SPOCK2: variants seen among roughly 807,000 people sequenced by gnomAD.
SPOCK2 encodes the protein SPARC (osteonectin), cwcv and kazal like domains proteoglycan 2.
Under a neutral mutation model 60.1 loss-of-function variants are expected in SPOCK2, and 39 were observed. That is an observed-to-expected ratio of 0.65 (90% CI 0.50 to 0.85). The LOEUF is 0.85. Among genes scored for constraint, SPOCK2 ranks in the 40% least tolerant of loss-of-function variants. SPOCK2 has a pLI of 0.00. For missense variants in SPOCK2, 523 were observed against 567.4 expected, an observed-to-expected ratio of 0.92 and a Z score of 0.80; for synonymous variants, 217 against 231.5, an observed-to-expected ratio of 0.94 and a Z score of 0.57.
intron 2 of SPOCK2, 73 bp downstream of exon 2, chr10:72,072,829 G>A (rs1405185409): frequency 1.3e-6 from 2 of 1,548,420 alleles, no homozygotes; most frequent in African/African-American, 2.7e-5. Flanking sequence ...GAATGAGGGT[G>A]TGGAGGGACA....
intron 1 of SPOCK2, among the ~76,000 whole-genome samples, chr10:72,080,976 G>A (rs1425768654): frequency 1.3e-5 from 2 of 152,146 alleles, no homozygotes; most frequent in Non-Finnish European, 2.9e-5. Context: ...AACAGCGGGA[G>A]GTGTGAGGGG....
At chr10:72,072,719 T>G in intron 2 of SPOCK2, 171 bp from the exon 3 acceptor site, 1 of 1,328,264 alleles carries the variant, frequency 7.5e-7, no homozygotes. Flanking sequence ...CCCCCACACC[T>G]CTATCCCTAT....
chr10:72,064,897 A>AT (rs1364965104), intron 8 of SPOCK2, among the ~76,000 whole-genome samples: 2 of 139,406 alleles, frequency 1.4e-5, no homozygotes, highest in African/African-American at 5.2e-5. Flanking sequence ...CGCCTGGCTA[A>AT]TTTTTTGTAT....
At chr10:72,084,373 G>A (rs1840828147) in intron 1 of SPOCK2, among the ~76,000 whole-genome samples, 1 of 152,234 alleles carries the variant, frequency 6.6e-6, no homozygotes, top group Non-Finnish European at 1.5e-5. Flanking sequence ...GCCAGTCAGC[G>A]GCAGAGCCCG....
intron 1 of SPOCK2, among the ~76,000 whole-genome samples, chr10:72,081,383 C>T (rs557784222): frequency 3.3e-5 from 5 of 152,224 alleles, no homozygotes; most frequent in African/African-American, 1.2e-4. Context: ...AGGTAAGACA[C>T]CAGCTGGGCC....
rs1263025255 is a variant in SPOCK2 at position 72,072,685 on chromosome 10, C to T, written c.199-137G>A. On this transcript the variant is annotated intron_variant, in intron 2 of 10. Transcript: ENST00000373109. ...CGTCATCCTGGTGGCTGACCCCTGT[C>T]CACCCAGGCCCTGCCAGCTGCCTCC... 6.5e-6 allele frequency: 9 copies of T among 1,376,000 alleles called. 1 individual carries two copies. Among genetic ancestry groups the T allele is most frequent in the African/African-American group, 4.3e-5 (3 of 70,448 alleles). The allele number at this position is 1,376,000 out of a possible 1,614,324, so 85.2% of individuals were successfully genotyped here. A position where few individuals can be genotyped will look rare whatever the true frequency, so the allele number is the denominator to read the frequency against.
In SPOCK2 at chr10:72,061,988, C is replaced by T. The variant is rs1306970571; in HGVS notation, c.*772G>A. The T allele has an allele frequency of 1.3e-5, 2 of 153,440 alleles. No homozygotes were observed. Among genetic ancestry groups the T allele is most frequent in the African/African-American group, 4.8e-5 (2 of 41,476 alleles). 9.5% of individuals were successfully genotyped at this position (153,440 alleles called of 1,614,324 possible). A position where few individuals can be genotyped will look rare whatever the true frequency, so the allele number is the denominator to read the frequency against. ...AGACCTCAGACAGCTTGGCGAGGCA[C>T]CCTGTCCCTGGCCTCTCAGCTGCTG... On this transcript the variant is annotated 3_prime_UTR_variant, in exon 11 of 11. Transcript: ENST00000373109.
chr10:72,086,339 T>A, intron 1 of SPOCK2: 1 of 995,988 alleles, frequency 1.0e-6, no homozygotes. Flanking sequence ...GTAAGTCATT[T>A]ATTCTCACCC....
intron 5 of SPOCK2, among the ~76,000 whole-genome samples, chr10:72,069,049 G>A (rs1335304542): frequency 6.6e-6 from 1 of 152,188 alleles, no homozygotes; most frequent in African/African-American, 2.4e-5. Flanking sequence ...CAGACTTCCT[G>A]CTGACCTCCA....
rs1840876390 is a variant in SPOCK2, at chr10:72,087,475, T to A, written c.189+665A>T. On this transcript the variant is annotated intron_variant, in intron 1 of 10. Transcript: ENST00000373109. This position sits in a 1 kb window ranked among gnomAD's most constrained non-coding sequence, Gnocchi z 4.7. ...GCTGGATTCCCCCCTGAAATGTTGG[T>A]CCGGGAAAACCAGCCTGGGTCCTCG... Among the ~76,000 whole-genome samples the A allele has an allele frequency of 6.6e-6, 1 of 152,090 alleles. No homozygotes were observed.
Position 72,061,572 on chromosome 10 carries a change from G to C in SPOCK2, c.*1188C>G, listed in dbSNP as rs1444935964. On this transcript the variant is annotated 3_prime_UTR_variant, in exon 11 of 11. Coordinates refer to ENST00000373109, the MANE Select transcript of SPOCK2 (RefSeq NM_001244950.2). Reference sequence around the variant, plus strand: ...ACAGCTCTCTCTGTTGGTCTGGGCAGGACAGGAGTGTTAAGGGTCAGGGAG... The same window carrying C: ...ACAGCTCTCTCTGTTGGTCTGGGCACGACAGGAGTGTTAAGGGTCAGGGAG... 6.6e-6 allele frequency: 1 copy of C among 152,516 alleles called. No homozygotes were observed. 9.4% of individuals were successfully genotyped at this position (152,516 alleles called of 1,614,324 possible).
At chr10:72,065,804 G>A (rs1190356812) in intron 8 of SPOCK2, among the ~76,000 whole-genome samples, 1 of 152,234 alleles carries the variant, frequency 6.6e-6, no homozygotes, top group Non-Finnish European at 1.5e-5. Context: ...CATTTGCAGA[G>A]GGATTTGTGA....
rs866172568 is a variant in SPOCK2, at chr10:72,087,226, G to C, written c.189+914C>G. On this transcript the variant is annotated intron_variant, in intron 1 of 10. Transcript: ENST00000373109. The surrounding 1 kb of genome is among the most constrained non-coding windows in gnomAD (Gnocchi z 4.7). ...CCGAGAGGAAGGAGCCAGCCCCGCCGGGCCGCCGCCTGCGACTTCCCCTCT... is the reference window on the plus strand; with the variant it reads ...CCGAGAGGAAGGAGCCAGCCCCGCCCGGCCGCCGCCTGCGACTTCCCCTCT... Among the ~76,000 whole-genome samples, 2 of 149,936 alleles carry C rather than the reference G, an allele frequency of 1.3e-5. No homozygotes were observed. Among genetic ancestry groups the C allele is most frequent in the Non-Finnish European group, 3.0e-5 (2 of 67,624 alleles).
At chr10:72,088,577 T>C (rs945669335), upstream of SPOCK2, 15 of 459,642 alleles carry the variant, frequency 3.3e-5, no homozygotes, top group African/African-American at 3.1e-4. Flanking sequence ...GCAGGGGCTG[T>C]AACTGTAGCA....
At chr10:72,063,445 G>A (rs1589116793) in intron 9 of SPOCK2, among the ~76,000 whole-genome samples, 1 of 152,168 alleles carries the variant, frequency 6.6e-6, no homozygotes, top group Non-Finnish European at 1.5e-5. Flanking sequence ...TGACTCCATG[G>A]CCCAAGTCTT....
chr10:72,088,579 A>C, upstream of SPOCK2: 2 of 457,034 alleles, frequency 4.4e-6, no homozygotes, highest in Non-Finnish European at 3.9e-6. Context: ...AGGGGCTGTA[A>C]CTGTAGCATC....
At chr10:72,081,271 G>A (rs1222324523) in intron 1 of SPOCK2, among the ~76,000 whole-genome samples, 5 of 152,238 alleles carry the variant, frequency 3.3e-5, no homozygotes, top group Non-Finnish European at 1.5e-5. Flanking sequence ...ACTTGGAGAT[G>A]AGCGGAATAG....
chr10:72,081,347 G>T (rs546096078), intron 1 of SPOCK2, among the ~76,000 whole-genome samples: 1 of 152,366 alleles, frequency 6.6e-6, no homozygotes, highest in Admixed American at 6.5e-5. Flanking sequence ...GGTCAGGGAA[G>T]GAGCGAGCTG....
chr10:72,081,492 C>G (rs1050516387), intron 1 of SPOCK2, among the ~76,000 whole-genome samples: 1 of 152,214 alleles, frequency 6.6e-6, no homozygotes, highest in African/African-American at 2.4e-5. Flanking sequence ...AATCTGTTCT[C>G]TACCCGAGGG....
Sources: gnomAD v4.1 joint callset for allele counts (sites outside exome capture counted in the v4.1 genomes callset) on GRCh38, gnomAD v4.1.1 for gene constraint, Gnocchi (gnomAD v3.1) non-coding constraint, MANE v1.5 for transcripts, NCBI Gene and HGNC (gene_info 2026-07-23, HGNC 2026-07-21) for gene names.